The following C1QTNF9 variants were observed in gnomAD, a reference collection of about 807,000 sequenced individuals.
The protein encoded by C1QTNF9 is C1q and TNF related 9.
Under a neutral mutation model 10.1 loss-of-function variants are expected in C1QTNF9, and 6 were observed. The ratio of observed to expected loss-of-function variants is 0.59; its 90% CI spans 0.32 to 1.17. The LOEUF is 1.17. Among genes scored for constraint, C1QTNF9 ranks in the 50% most tolerant of loss-of-function variants. The probability of loss-of-function intolerance (pLI) is 0.04; values close to 1 mark genes in which losing one functional copy is unlikely to be tolerated. For missense variants in C1QTNF9, 201 were observed against 418.8 expected (o/e 0.48, Z 4.54); for synonymous variants, 98 against 163.5 (o/e 0.60, Z 3.06).
intron 1 of C1QTNF9, among the ~76,000 whole-genome samples, chr13:24,309,977 C>G (rs188834738): frequency 9.5e-4 from 144 of 152,020 alleles, no homozygotes; most frequent in Non-Finnish European, 1.9e-3. Flanking sequence ...CTCACTGCAA[C>G]CTCGCCTCCC....
rs1257289950 is a variant in C1QTNF9 at position 24,321,578 on chromosome 13, T to TA, written c.817dup (p.Ile273AsnfsTer12). 6.2e-7 allele frequency: 1 copy of TA among 1,613,744 alleles called. No homozygotes were observed. The highest frequency in any genetic ancestry group is 1.3e-5 in the African/African-American group (1 of 74,910). ...CAGGTGTCTTTGGTCAAAAATGGAG[T>TA]AAAAATACTGCACACCAAAGATGCT... On this transcript the variant is annotated frameshift_variant, in exon 4 of 4. Transcript: ENST00000332018. LOFTEE classifies it high-confidence loss of function.
rs552949352 is a variant in C1QTNF9, at chr13:24,309,982, C to A, written c.-23+366C>A. Among the ~76,000 whole-genome samples, 44 of 152,168 alleles carry A rather than the reference C, an allele frequency of 2.9e-4. 1 individual carries two copies. In the South Asian group the frequency reaches 8.1e-3, roughly 28 times the overall value. On this transcript the variant is annotated intron_variant, in intron 1 of 3. Coordinates refer to ENST00000332018, the Ensembl canonical transcript of C1QTNF9. ...ATGATTTCAGCTCACTGCAACCTCG[C>A]CTCCCGGGTTCAAGCAATTATCTGC...
At chr13:24,316,262 A>G in intron 2 of C1QTNF9, 93 bp downstream of exon 2, 5 of 1,514,338 alleles carry the variant, frequency 3.3e-6, no homozygotes, top group East Asian at 4.6e-5. Context: ...CCACCTACCC[A>G]CTCACACCCC....
Position 24,321,635 on chromosome 13 carries a change from G to T in C1QTNF9, c.869G>T (p.Gly290Val), listed in dbSNP as rs773757594. 1.6e-5 allele frequency: 26 copies of T among 1,614,068 alleles called. No homozygotes were observed. Among genetic ancestry groups the T allele is most frequent in the Non-Finnish European group, 1.0e-5 (12 of 1,180,028 alleles). Residue 290 changes from glycine (G) to valine (V), a missense_variant, in exon 4 of 4, where the codon GGC becomes GTC. Physicochemically the swap from Gly to Val is moderately radical, Grantham distance 109. Transcript: ENST00000332018. Reference sequence around the variant, plus strand: ...AGCTCTGAGGACCAGGCCTCTGGCGGCATTGTCCTGCAGCTGAAGCTCGGG... The same window carrying T: ...AGCTCTGAGGACCAGGCCTCTGGCGTCATTGTCCTGCAGCTGAAGCTCGGG...
At chr13:24,310,893 C>T (rs1345115991) in intron 1 of C1QTNF9, among the ~76,000 whole-genome samples, 1 of 119,678 alleles carries the variant, frequency 8.4e-6, no homozygotes, top group Non-Finnish European at 1.6e-5. Context: ...GCCTGGGCAA[C>T]AGAGCGAGGC....
chr13:24,313,278 T>G lies in C1QTNF9; in HGVS notation c.-22-2704T>G, dbSNP rs184832225. 5.9e-4 allele frequency among the ~76,000 whole-genome samples: 90 copies of G among 152,318 alleles called. 2 individuals carry two copies. Among genetic ancestry groups the G allele is most frequent in the Admixed American group, 1.2e-3 (18 of 15,302 alleles). ...CATCAAATATGCAAAACTAGTGAAA[T>G]AATTACAGAAGAGTAACCATTTGCT... On this transcript the variant is annotated intron_variant, in intron 1 of 3. Transcript: ENST00000332018.
At chr13:24,312,305 G>A (rs1320540996) in intron 1 of C1QTNF9, among the ~76,000 whole-genome samples, 1 of 152,204 alleles carries the variant, frequency 6.6e-6, no homozygotes, top group Non-Finnish European at 1.5e-5. Flanking sequence ...CCTACTAAGT[G>A]ATCATTAGTC....
At chr13:24,313,654 A>T (rs7333996) in intron 1 of C1QTNF9, among the ~76,000 whole-genome samples, 17,676 of 152,186 alleles carry the variant, frequency 0.12, 1,223 homozygotes, top group East Asian at 0.25. Flanking sequence ...TCCCTGTGAC[A>T]TTTCCACCAG....
intron 1 of C1QTNF9, among the ~76,000 whole-genome samples, chr13:24,314,543 C>T (rs747701002): frequency 8.6e-5 from 13 of 152,044 alleles, no homozygotes; most frequent in African/African-American, 2.7e-4. Context: ...ATTAGCTAGG[C>T]GTGGTGGTGG....
At chr13:24,316,095 C>T (rs1342970014) in exon 2 of C1QTNF9, 1 of 1,613,314 alleles carries the variant, frequency 6.2e-7, no homozygotes, top group Admixed American at 1.7e-5. Context: ...CCTGGAATCC[C>T]TGGGAACCCC....
chr13:24,307,171 T>A (rs1238620584), upstream of C1QTNF9: 1 of 152,216 alleles, frequency 6.6e-6, no homozygotes, highest in African/African-American at 2.4e-5. Flanking sequence ...TGCCCTGATG[T>A]CCCTAGACTT....
intron 2 of C1QTNF9, among the ~76,000 whole-genome samples, chr13:24,316,666 C>T (rs1005112752): frequency 6.6e-5 from 10 of 152,132 alleles, no homozygotes; most frequent in Admixed American, 3.3e-4. Context: ...CAAAAGGAGA[C>T]GAGAATCTGA....
intron 2 of C1QTNF9, among the ~76,000 whole-genome samples, chr13:24,316,853 T>C (rs576399481): frequency 6.6e-6 from 1 of 152,332 alleles, no homozygotes; most frequent in Non-Finnish European, 1.5e-5. Context: ...GGTACCATTC[T>C]TGAGGCCTGG....
chr13:24,318,047 C>T (rs1878108580), intron 2 of C1QTNF9, among the ~76,000 whole-genome samples: 2 of 152,160 alleles, frequency 1.3e-5, no homozygotes, highest in African/African-American at 4.8e-5. Flanking sequence ...TGTCGCCCCA[C>T]AGCCACGTCA....
chr13:24,316,319 C>T (rs990592698), intron 2 of C1QTNF9, 150 bp downstream of exon 2: 3 of 1,104,822 alleles, frequency 2.7e-6, no homozygotes, highest in Admixed American at 2.5e-5. Context: ...TGGAGCCTGA[C>T]CCCATTCATC....
intron 1 of C1QTNF9, among the ~76,000 whole-genome samples, chr13:24,312,133 TTGATACCCAG>T (rs1877849348): frequency 6.6e-6 from 1 of 152,108 alleles, no homozygotes; most frequent in Admixed American, 6.5e-5. Context: ...AGGATCAGAG[TTGATACCCAG>T]TCACCTTCCC....
chr13:24,318,840 C>A, exon 3 of C1QTNF9: 1 of 1,614,208 alleles, frequency 6.2e-7, no homozygotes, highest in Non-Finnish European at 8.5e-7. Flanking sequence ...GTCCTGGCAG[C>A]CCGGGGAAGG....
intron 2 of C1QTNF9, among the ~76,000 whole-genome samples, chr13:24,316,536 A>G (rs1444711499): frequency 6.6e-6 from 1 of 152,222 alleles, no homozygotes; most frequent in Non-Finnish European, 1.5e-5. Flanking sequence ...TTTTGGCAAC[A>G]AAAGGCTAAT....
At chr13:24,312,310 T>C (rs567729719) in intron 1 of C1QTNF9, among the ~76,000 whole-genome samples, 66 of 152,286 alleles carry the variant, frequency 4.3e-4, no homozygotes, top group South Asian at 1.9e-3. Flanking sequence ...TAAGTGATCA[T>C]TAGTCTAGGT....
Sources: allele counts gnomAD v4.1 joint callset (sites outside exome capture counted in the v4.1 genomes callset), GRCh38; gene constraint gnomAD v4.1.1; transcripts MANE v1.5; gene names NCBI Gene and HGNC (gene_info 2026-07-23, HGNC 2026-07-21).